Variants in NLGN4X observed in about 807,000 individuals in gnomAD.
The protein encoded by NLGN4X is neuroligin 4 X-linked.
NLGN4X carries 3 observed loss-of-function variants against 40.3 expected under a neutral mutation model. The ratio of observed to expected loss-of-function variants is 0.07; its 90% CI spans 0.03 to 0.19. The LOEUF (loss-of-function observed/expected upper bound fraction) is 0.19. Ranked by LOEUF, NLGN4X falls within the 10% of genes least tolerant of loss-of-function variation. NLGN4X has a pLI of 1.00. For synonymous variants in NLGN4X, 270 were observed against 306.8 expected (o/e 0.88, Z 1.25); for missense variants, 382 against 708.3 (o/e 0.54, Z 5.23).
At chrX:5,968,457 C>CTGTGTGTGTG (rs529573810) in intron 3 of NLGN4X, among the ~76,000 whole-genome samples, 78 of 47,010 alleles carry the variant, frequency 1.7e-3, no homozygotes, top group Admixed American at 8.1e-3. Context: ...CTCTCTCTCT[C>CTGTGTGTGTG]TGTGTGTGTG....
At position 5,892,863 on chromosome X, in the gene NLGN4X, T is replaced by C. The variant is rs1216283437; in HGVS notation, c.2405A>G (p.Gln802Arg). The change falls in exon 6 of 6, where the codon CAA becomes CGA. Residue 802 changes from glutamine to arginine, a missense_variant. Transcript: ENST00000381095. ...TCCGTGGGGTAAATTTGTACTGTTT[T>C]GTCCTCCACTGAAGGTGTTAAAAGT... ...LHTFNTFSGG[Q>R]NSTNLPHGHS... The C allele has an allele frequency of 2.3e-5, 28 of 1,209,339 alleles. No homozygotes were observed. The highest frequency in any genetic ancestry group is 3.1e-5 in the Non-Finnish European group (28 of 895,100).
chrX:6,072,923 C>T (rs1038877661), intron 2 of NLGN4X, among the ~76,000 whole-genome samples: 1 of 112,507 alleles, frequency 8.9e-6, no homozygotes. Context: ...TCATTGTACA[C>T]TGAATCACTC....
chrX:5,944,384 T>C (rs1448550498), intron 3 of NLGN4X, among the ~76,000 whole-genome samples: 5 of 110,693 alleles, frequency 4.5e-5, no homozygotes, highest in African/African-American at 1.3e-4. Context: ...TGGTGGCCCA[T>C]GTCTGTAATC....
Position 5,892,784 on chromosome X carries a change from G to C in NLGN4X, c.*33C>G. The C allele has an allele frequency of 3.3e-6, 4 of 1,206,605 alleles. No individual in the cohort carries two copies. Among genetic ancestry groups the C allele is most frequent in the Non-Finnish European group, 4.5e-6 (4 of 891,466 alleles). On this transcript the variant is annotated 3_prime_UTR_variant, in exon 6 of 6. Transcript: ENST00000381095. ...CCTCTTCTATGTTGCTGAGCGGGTA[G>C]GGCAGAGGGATAGGAAGGGAAATAG... is the stretch of plus-strand genomic sequence containing the variant.
At chrX:6,026,547 T>C (rs189811404) in intron 3 of NLGN4X, among the ~76,000 whole-genome samples, 4 of 111,626 alleles carry the variant, frequency 3.6e-5, no homozygotes, top group South Asian at 3.8e-4. Context: ...AAGAGGACAA[T>C]AGTAAATGCA....
chrX:6,187,372 C>CTGAGGCCAGGGAATGGCG (rs1311935944), intron 1 of NLGN4X: 2 of 107,970 alleles, frequency 1.9e-5, no homozygotes. Flanking sequence ...ACCCCGGAGG[C>CTGAGGCCAGGGAATGGCG]TGAGGCCAGG....
chrX:6,164,087 C>T (rs1484305234), intron 1 of NLGN4X, among the ~76,000 whole-genome samples: 1 of 112,788 alleles, frequency 8.9e-6, no homozygotes, highest in Non-Finnish European at 1.9e-5. Flanking sequence ...TTCTCATAGG[C>T]TTCACGATGT....
At chrX:6,116,272 G>A (rs1275376995) in intron 2 of NLGN4X, among the ~76,000 whole-genome samples, 1 of 58,437 alleles carries the variant, frequency 1.7e-5, no homozygotes, top group Non-Finnish European at 2.9e-5. Context: ...CAGCCTGGGC[G>A]ACAGACCGAG....
At chrX:6,137,400 T>C (rs1181159488) in intron 2 of NLGN4X, among the ~76,000 whole-genome samples, 1 of 111,983 alleles carries the variant, frequency 8.9e-6, no homozygotes, top group Non-Finnish European at 1.9e-5. Flanking sequence ...GTGAAATTCC[T>C]AGGCACCAGG....
At chrX:6,068,258 C>T (rs923156170) in intron 2 of NLGN4X, among the ~76,000 whole-genome samples, 1 of 111,797 alleles carries the variant, frequency 8.9e-6, no homozygotes, top group Admixed American at 9.5e-5. Flanking sequence ...TGTCAGAACA[C>T]CACCCTGGTC....
intron 1 of NLGN4X, among the ~76,000 whole-genome samples, chrX:6,193,218 G>A (rs768537314): frequency 4.5e-5 from 5 of 110,473 alleles, no homozygotes; most frequent in Admixed American, 3.8e-4. Context: ...TCAGGAGATC[G>A]AGACCACGGT....
At chrX:5,940,591 A>G (rs1038415369) in intron 3 of NLGN4X, among the ~76,000 whole-genome samples, 4 of 91,280 alleles carry the variant, frequency 4.4e-5, no homozygotes, top group Admixed American at 3.9e-4. Flanking sequence ...GTTTGGTTCT[A>G]TTCTCTAGAA....
In NLGN4X at chrX:5,890,934, G is replaced by T. The variant is rs1283307750; in HGVS notation, c.*1883C>A. On this transcript the variant is annotated 3_prime_UTR_variant, in exon 6 of 6. Coordinates refer to ENST00000381095, the MANE Select transcript of NLGN4X (RefSeq NM_181332.3). ...AAGGTTGTTATTGCAAAAGAGCCAGGCAGCTGGACAATTTTTATGGGGAAT... is the reference window on the plus strand; with the variant it reads ...AAGGTTGTTATTGCAAAAGAGCCAGTCAGCTGGACAATTTTTATGGGGAAT... 3.2e-6 allele frequency: 1 copy of T among 315,134 alleles called. No homozygotes were observed. The highest frequency in any genetic ancestry group is 9.9e-5 in the East Asian group (1 of 10,112). 26.0% of individuals were successfully genotyped at this position (315,134 alleles called of 1,213,427 possible). A position where few individuals can be genotyped will look rare whatever the true frequency, so the allele number is the denominator to read the frequency against.
chrX:5,902,021 C>T (rs1266349607), intron 5 of NLGN4X, among the ~76,000 whole-genome samples: 3 of 109,725 alleles, frequency 2.7e-5, no homozygotes, highest in African/African-American at 9.9e-5. Flanking sequence ...AGGCAATCAA[C>T]ACAGTTCCCC....
At chrX:6,176,971 A>G (rs997066599) in intron 1 of NLGN4X, among the ~76,000 whole-genome samples, 33 of 112,153 alleles carry the variant, frequency 2.9e-4, no homozygotes, top group African/African-American at 9.4e-4. Context: ...GAAACGCTAC[A>G]TAACTGTCAG....
At chrX:6,074,460 T>C (rs1214310764) in intron 2 of NLGN4X, among the ~76,000 whole-genome samples, 1 of 111,610 alleles carries the variant, frequency 9.0e-6, no homozygotes, top group Non-Finnish European at 1.9e-5. Flanking sequence ...ATCGTTTGTA[T>C]TGTAAGCAAT....
intron 5 of NLGN4X, among the ~76,000 whole-genome samples, chrX:5,901,282 A>G (rs1018195059): frequency 8.9e-6 from 1 of 111,999 alleles, no homozygotes; most frequent in Non-Finnish European, 1.9e-5. Flanking sequence ...ACTGTGCATA[A>G]CTCATGTGTG....
intron 3 of NLGN4X, among the ~76,000 whole-genome samples, chrX:5,947,876 A>C (rs1291610194): frequency 8.9e-6 from 1 of 112,390 alleles, no homozygotes; most frequent in Non-Finnish European, 1.9e-5. Context: ...TGCCCTTTTT[A>C]AATGTATGTC....
At chrX:6,209,476 C>A (rs191117774) in intron 1 of NLGN4X, among the ~76,000 whole-genome samples, 384 of 111,506 alleles carry the variant, frequency 3.4e-3, no homozygotes, top group Middle Eastern at 0.014. Flanking sequence ...ACAGGACAGC[C>A]ACCACAACAA....
Sources: allele counts gnomAD v4.1 joint callset (sites outside exome capture counted in the v4.1 genomes callset), GRCh38; gene constraint gnomAD v4.1.1; transcripts MANE v1.5; gene names NCBI Gene and HGNC (gene_info 2026-07-23, HGNC 2026-07-21).